The following NDUFB2 variants were observed in gnomAD, a reference collection of about 807,000 sequenced individuals.
NDUFB2 encodes NADH:ubiquinone oxidoreductase subunit B2, also known as NADH dehydrogenase [ubiquinone] 1 beta subcomplex subunit 2, mitochondrial.
A neutral mutation model predicts 13.4 loss-of-function variants in NDUFB2; 13 were observed. The observed-to-expected ratio is 0.97, with a 90% CI of 0.63 to 1.54. The LOEUF (loss-of-function observed/expected upper bound fraction) is 1.54, where lower values mean the gene tolerates loss of function less well. NDUFB2 is among the 40% of genes most tolerant of loss of function. NDUFB2 has a pLI of 0.00. For synonymous variants in NDUFB2, 47 were observed against 50.6 expected (o/e 0.93, Z 0.30); for missense variants, 150 against 139.7 (o/e 1.07, Z -0.37).
chr7:140,699,428 G>A (rs373827472), intron 1 of NDUFB2, among the ~76,000 whole-genome samples: 2 of 152,090 alleles, frequency 1.3e-5, no homozygotes, highest in Non-Finnish European at 2.9e-5. Context: ...TTAAATTCTC[G>A]GCTTGGGGTT....
rs1435084222 is a variant in NDUFB2 at position 140,705,139 on chromosome 7, G to A, written c.*29+176G>A. 5 of 380,658 alleles carry A rather than the reference G, an allele frequency of 1.3e-5. No homozygotes were observed. The Admixed American group carries it at 1.4e-4, about 11-fold the overall frequency. 23.6% of individuals were successfully genotyped at this position (380,658 alleles called of 1,614,324 possible). On this transcript the variant is annotated intron_variant, in intron 3 of 3. Transcript: ENST00000247866. ...TTTTGAGACAGAGTCTTGCTCTGTC[G>A]CCCAGACTGGAGTGCAGTGGCGTGA... is the stretch of plus-strand genomic sequence containing the variant.
Position 140,706,446 on chromosome 7 carries a change from C to T in NDUFB2, c.*30-117C>T, listed in dbSNP as rs1794975276. On this transcript the variant is annotated intron_variant, in intron 3 of 3. Transcript: ENST00000247866. ...AGGGTGATTTTGCTTCTCTTGTCTACAAGGCTGTCACATGATCAGTGCTCA... is the reference window on the plus strand; with the variant it reads ...AGGGTGATTTTGCTTCTCTTGTCTATAAGGCTGTCACATGATCAGTGCTCA... 2.0e-5 allele frequency: 3 copies of T among 152,122 alleles called. No homozygotes were observed. In the South Asian group the frequency reaches 6.2e-4, roughly 32 times the overall value. 9.4% of individuals were successfully genotyped at this position (152,122 alleles called of 1,614,324 possible).
At chr7:140,703,783 T>A (rs1474628225) in intron 2 of NDUFB2, among the ~76,000 whole-genome samples, 1 of 151,972 alleles carries the variant, frequency 6.6e-6, no homozygotes, top group Non-Finnish European at 1.5e-5. Flanking sequence ...TGAGATGGAG[T>A]CTCACTCTGT....
Position 140,706,027 on chromosome 7 carries a change from TA to T in NDUFB2, c.*30-535del, listed in dbSNP as rs1172756795. On this transcript the variant is annotated intron_variant, in intron 3 of 3. Coordinates refer to ENST00000247866, the MANE Select transcript of NDUFB2 (RefSeq NM_004546.3). ...TATTTTATTTTATTTTATTTTATTT[TA>T]GTTTGTTATGTTATGTTATGTTATG... The T allele has an allele frequency of 5.4e-5, 8 of 147,662 alleles. No homozygotes were observed. The East Asian group carries it at 5.9e-4, about 11-fold the overall frequency. The allele number at this position is 147,662 out of a possible 1,614,324, so 9.1% of individuals were successfully genotyped here.
intron 1 of NDUFB2, 69 bp downstream of exon 1, chr7:140,696,911 T>C: frequency 2.1e-6 from 3 of 1,418,922 alleles, no homozygotes; most frequent in Non-Finnish European, 2.9e-6. Flanking sequence ...TGGGACGCTC[T>C]CACCTTGACT....
Position 140,706,610 on chromosome 7 carries a change from A to C in NDUFB2, c.*77A>C, listed in dbSNP as rs1490139153. 2 of 148,462 alleles carry C rather than the reference A, an allele frequency of 1.3e-5. No homozygotes were observed. The highest frequency in any genetic ancestry group is 2.5e-5 in the African/African-American group (1 of 40,430). 9.2% of individuals were successfully genotyped at this position (148,462 alleles called of 1,614,324 possible). On this transcript the variant is annotated 3_prime_UTR_variant, in exon 4 of 4. Coordinates refer to ENST00000247866, the MANE Select transcript of NDUFB2 (RefSeq NM_004546.3). Reference sequence around the variant, plus strand: ...ATTATCGACTTCATATTGCACATTAAAGTTACAAATTAAAGTGGCTTGGTC... The same window carrying C: ...ATTATCGACTTCATATTGCACATTACAGTTACAAATTAAAGTGGCTTGGTC...
rs201056308 is a variant in NDUFB2, at chr7:140,704,960, A to G, written c.*26A>G. On this transcript the variant is annotated 3_prime_UTR_variant, in exon 3 of 4. Transcript: ENST00000247866. ...AGGTGTAGACTCAGCCTCACTCTGT[A>G]CAAGTGGGTGTGCTCCAAATTTCTT... 201 of 1,474,588 alleles carry G rather than the reference A, an allele frequency of 1.4e-4. 1 individual carries two copies. The South Asian group carries it at 1.7e-3, about 12-fold the overall frequency. The allele number at this position is 1,474,588 out of a possible 1,614,324, so 91.3% of individuals were successfully genotyped here.
At chr7:140,698,677 G>A (rs1332891656) in intron 1 of NDUFB2, among the ~76,000 whole-genome samples, 1 of 152,060 alleles carries the variant, frequency 6.6e-6, no homozygotes, top group Non-Finnish European at 1.5e-5. Context: ...GCCAGAGCCC[G>A]CAGGGTTGGC....
At chr7:140,697,183 G>A (rs1024828800) in intron 1 of NDUFB2, 13 of 611,970 alleles carry the variant, frequency 2.1e-5, no homozygotes, top group African/African-American at 5.6e-5. Flanking sequence ...GTGCGCGGCG[G>A]GTGTGGACGC....
At chr7:140,701,145 G>GT (rs1794891416) in intron 1 of NDUFB2, 1 of 152,160 alleles carries the variant, frequency 6.6e-6, no homozygotes, top group African/African-American at 2.4e-5. Flanking sequence ...GGTAACATTG[G>GT]TTTTATCATG....
chr7:140,697,796 C>T (rs1214814861), intron 1 of NDUFB2, among the ~76,000 whole-genome samples: 1 of 152,158 alleles, frequency 6.6e-6, no homozygotes, highest in African/African-American at 2.4e-5. Flanking sequence ...CATTTGGCGT[C>T]CATTTGCAAG....
At chr7:140,698,635 A>G (rs988200607) in intron 1 of NDUFB2, among the ~76,000 whole-genome samples, 3 of 152,102 alleles carry the variant, frequency 2.0e-5, no homozygotes, top group East Asian at 3.9e-4. Flanking sequence ...CCCGGTGGAC[A>G]TAAGAGGGCA....
rs1794945555 is a variant in NDUFB2 at position 140,704,930 on chromosome 7, A to G, written c.314A>G (p.Asp105Gly). 6.3e-7 allele frequency: 1 copy of G among 1,596,824 alleles called. No homozygotes were observed. The highest frequency in any genetic ancestry group is 8.5e-7 in the Non-Finnish European group (1 of 1,170,724). Residue 105 changes from aspartate (D) to glycine (G), a missense_variant, in exon 3 of 4, where the codon GAC becomes GGC. Coordinates refer to ENST00000247866, the MANE Select transcript of NDUFB2 (RefSeq NM_004546.3). Reference sequence around the variant, plus strand: ...TTAGGTATCCCTCCTGATGATGAAGACTGAAGGTGTAGACTCAGCCTCACT... The same window carrying G: ...TTAGGTATCCCTCCTGATGATGAAGGCTGAAGGTGTAGACTCAGCCTCACT... ...EELGIPPDDE[D>G]
At position 140,696,781 on chromosome 7, in the gene NDUFB2, G is replaced by A. The variant is rs1275185449; in HGVS notation, c.37G>A (p.Val13Ile). ...ALTRLASFAR[V>I]GGRLFRSGCA... ...GACTCGGCTGGCGTCTTTCGCTCGCGTTGGAGGCCGCCTTTTCAGAAGCGG... is the reference window on the plus strand; with the variant it reads ...GACTCGGCTGGCGTCTTTCGCTCGCATTGGAGGCCGCCTTTTCAGAAGCGG... Residue 13 changes from valine (V) to isoleucine (I), a missense_variant, in exon 1 of 4, where the codon GTT (valine) becomes ATT (isoleucine). Coordinates refer to ENST00000247866, the MANE Select transcript of NDUFB2 (RefSeq NM_004546.3). The A allele has an allele frequency of 6.2e-7, 1 of 1,607,290 alleles. No individual in the cohort carries two copies. Among genetic ancestry groups the A allele is most frequent in the South Asian group, 1.1e-5 (1 of 89,994 alleles).
chr7:140,705,782 C>A (rs942784109), intron 3 of NDUFB2: 1 of 152,170 alleles, frequency 6.6e-6, no homozygotes, highest in Non-Finnish European at 1.5e-5. Context: ...ACTACAGTGT[C>A]CTGCTCTCAA....
chr7:140,700,609 C>G (rs555077374), intron 1 of NDUFB2: 2 of 151,414 alleles, frequency 1.3e-5, no homozygotes, highest in African/African-American at 4.8e-5. Flanking sequence ...GCCAACATAA[C>G]GAATCCCTGT....
At chr7:140,702,703 T>C (rs1274906777) in intron 1 of NDUFB2, 163 bp from the exon 2 acceptor site, 2 of 829,286 alleles carry the variant, frequency 2.4e-6, no homozygotes, top group Non-Finnish European at 3.6e-6. Flanking sequence ...TGAAGCAAGC[T>C]TAGTAAAAAG....
At chr7:140,698,183 A>G (rs1456313357) in intron 1 of NDUFB2, 6 of 1,351,930 alleles carry the variant, frequency 4.4e-6, no homozygotes, top group Non-Finnish European at 5.9e-6. Context: ...GCCCTGTGTG[A>G]CTTGGGCAAA....
chr7:140,701,626 C>T (rs1345254785), intron 1 of NDUFB2, among the ~76,000 whole-genome samples: 9 of 151,130 alleles, frequency 6.0e-5, no homozygotes, highest in Non-Finnish European at 1.0e-4. Flanking sequence ...GGCGACAGAG[C>T]CTATCTTTAA....
Sources: allele counts gnomAD v4.1 joint callset (sites outside exome capture counted in the v4.1 genomes callset), GRCh38; gene constraint gnomAD v4.1.1; transcripts MANE v1.5; gene names NCBI Gene and HGNC (gene_info 2026-07-23, HGNC 2026-07-21).